Variants in VAV1 observed in about 807,000 individuals in gnomAD.
VAV1 encodes vav guanine nucleotide exchange factor 1.
In VAV1, 33 loss-of-function variants were observed where a neutral mutation model predicts 128.1. That is an observed-to-expected ratio of 0.26 (90% CI 0.20 to 0.34). VAV1 has a LOEUF of 0.34. Among genes scored for constraint, VAV1 ranks in the 10% least tolerant of loss-of-function variants. The probability of loss-of-function intolerance (pLI) is 1.00; values close to 1 mark genes in which losing one functional copy is unlikely to be tolerated. For missense variants in VAV1, 715 were observed against 1,093.7 expected, an observed-to-expected ratio of 0.65 and a Z score of 4.88; for synonymous variants, 394 against 409.8, an observed-to-expected ratio of 0.96 and a Z score of 0.47.
chr19:6,787,859 G>A (rs984250845), intron 1 of VAV1, among the ~76,000 whole-genome samples: 2 of 151,940 alleles, frequency 1.3e-5, no homozygotes, highest in African/African-American at 2.4e-5. Context: ...GGTGGATCAC[G>A]AGGTCAGGAG....
chr19:6,817,813 A>G (rs554679100), intron 1 of VAV1, among the ~76,000 whole-genome samples: 1 of 151,864 alleles, frequency 6.6e-6, no homozygotes, highest in African/African-American at 2.4e-5. Flanking sequence ...CAGCCTCCCG[A>G]GTAGCTGGGA....
At chr19:6,775,874 T>C (rs1970608651) in intron 1 of VAV1, among the ~76,000 whole-genome samples, 1 of 152,146 alleles carries the variant, frequency 6.6e-6, no homozygotes, top group African/African-American at 2.4e-5. Flanking sequence ...GGAAATGGCA[T>C]AAATAAAGGT....
Position 6,833,293 on chromosome 19 carries a change from T to A in VAV1, c.1610+8T>A. ...CTGTCAGATGCTGCTTAGGTGAGAA[T>A]CTGGGAGGAGGGTCCTGCATACCGG... On this transcript the variant is annotated splice_region_variant and intron_variant, in intron 16 of 26. Coordinates refer to ENST00000602142, the MANE Select transcript of VAV1 (RefSeq NM_005428.4). 13 of 1,606,208 alleles carry A rather than the reference T, an allele frequency of 8.1e-6. No individual in the cohort carries two copies. Among genetic ancestry groups the A allele is most frequent in the Non-Finnish European group, 1.1e-5 (13 of 1,177,352 alleles).
intron 1 of VAV1, among the ~76,000 whole-genome samples, chr19:6,779,394 A>T (rs1477993207): frequency 6.6e-6 from 1 of 151,038 alleles, no homozygotes; most frequent in Non-Finnish European, 1.5e-5. Flanking sequence ...AACAGGAAAG[A>T]TGACACATGC....
chr19:6,837,753 A>G (rs1229442395), intron 21 of VAV1, among the ~76,000 whole-genome samples: 1 of 152,050 alleles, frequency 6.6e-6, no homozygotes, highest in African/African-American at 2.4e-5. Context: ...ACCCACACAT[A>G]GTATTTATTT....
At chr19:6,784,071 T>C in intron 1 of VAV1, 2 of 408,210 alleles carry the variant, frequency 4.9e-6, no homozygotes, top group East Asian at 3.5e-5. Flanking sequence ...CTGGGCAACA[T>C]ACCAAGGTCC....
Position 6,848,051 on chromosome 19 carries a change from C to T in VAV1, c.2066C>T (p.Ser689Leu), listed in dbSNP as rs1972570238. The T allele has an allele frequency of 5.2e-6, 8 of 1,538,884 alleles. No individual in the cohort carries two copies. Among genetic ancestry groups the T allele is most frequent in the South Asian group, 2.5e-5 (2 of 80,586 alleles). Residue 689 changes from serine (S) to leucine (L), a missense_variant, in exon 23 of 27, where the codon TCG (serine) becomes TTG (leucine). Ser to Leu is a moderately radical substitution (Grantham distance 145). Coordinates refer to ENST00000602142, the MANE Select transcript of VAV1 (RefSeq NM_005428.4). ...GCAGAGAGCATCCTGGCCAACCGCT[C>T]GGACGGGACTTTCTTGGTGCGGCAG... ...AGAESILANR[S>L]DGTFLVRQRV... is the part of the protein sequence containing the mutation.
intron 16 of VAV1, 99 bp from the exon 17 acceptor site, chr19:6,833,429 C>G: frequency 7.1e-7 from 1 of 1,400,248 alleles, no homozygotes; most frequent in Non-Finnish European, 9.8e-7. Context: ...CTCTCCTGAT[C>G]TAAAGAGAAC....
chr19:6,777,839 C>A lies in VAV1; in HGVS notation c.204+4828C>A, dbSNP rs1970678648. The stretch of plus-strand genomic sequence containing the variant: ...TTTAAATGAGACAGAGCCTTGCTGT[C>A]TCCCAGGATGGAGTGCAGTGGCATG... On this transcript the variant is annotated intron_variant, in intron 1 of 26. Coordinates refer to ENST00000602142, the MANE Select transcript of VAV1 (RefSeq NM_005428.4). This position sits in a 1 kb window ranked among gnomAD's most constrained non-coding sequence, Gnocchi z 4.4. Among the ~76,000 whole-genome samples the A allele has an allele frequency of 6.6e-6, 1 of 152,126 alleles. No homozygotes were observed. Among genetic ancestry groups the A allele is most frequent in the African/African-American group, 2.4e-5 (1 of 41,420 alleles).
At chr19:6,838,092 T>C (rs1009230510) in intron 21 of VAV1, among the ~76,000 whole-genome samples, 3 of 134,416 alleles carry the variant, frequency 2.2e-5, no homozygotes, top group African/African-American at 8.3e-5. Context: ...TCTGTCTGTC[T>C]GTCTGTCTAT....
At chr19:6,843,283 G>A (rs1201343766) in intron 22 of VAV1, 117 bp downstream of exon 22, 4 of 1,198,268 alleles carry the variant, frequency 3.3e-6, no homozygotes, top group Admixed American at 1.8e-5. Flanking sequence ...CCTGAGCACC[G>A]ACTTCTGAAT....
intron 22 of VAV1, among the ~76,000 whole-genome samples, chr19:6,847,662 C>T (rs1044106033): frequency 1.3e-5 from 2 of 152,122 alleles, no homozygotes; most frequent in Non-Finnish European, 2.9e-5. Flanking sequence ...GTCCGGGTGA[C>T]CACAGAGATG....
At chr19:6,797,265 A>G (rs1260610742) in intron 1 of VAV1, among the ~76,000 whole-genome samples, 1 of 151,840 alleles carries the variant, frequency 6.6e-6, no homozygotes, top group Non-Finnish European at 1.5e-5. Flanking sequence ...ATAGTGAATG[A>G]AGGAGTGTCT....
intron 1 of VAV1, among the ~76,000 whole-genome samples, chr19:6,780,484 G>C (rs898405140): frequency 1.3e-5 from 2 of 150,342 alleles, no homozygotes; most frequent in African/African-American, 4.9e-5. Context: ...ATAACCTATT[G>C]CTCCTAGCTA....
chr19:6,783,311 G>C (rs1437234847), intron 1 of VAV1, among the ~76,000 whole-genome samples: 1 of 152,122 alleles, frequency 6.6e-6, no homozygotes, highest in East Asian at 1.9e-4. Flanking sequence ...CAGGGGTTGG[G>C]GGAGGAGGGC....
At chr19:6,797,564 G>T (rs936371974) in intron 1 of VAV1, among the ~76,000 whole-genome samples, 5 of 151,332 alleles carry the variant, frequency 3.3e-5, no homozygotes, top group African/African-American at 7.3e-5. Context: ...TTAGCTGGGC[G>T]TGGTGACGCA....
chr19:6,833,099 T>C, intron 15 of VAV1, 85 bp from the exon 16 acceptor site: 1 of 1,257,564 alleles, frequency 8.0e-7, no homozygotes, highest in Non-Finnish European at 1.1e-6. Flanking sequence ...ACGTGGTCTG[T>C]TCATACCATG....
Position 6,824,532 on chromosome 19 carries a change from A to AT in VAV1, c.655-511dup, listed in dbSNP as rs372708502. On this transcript the variant is annotated intron_variant, in intron 6 of 26. Coordinates refer to ENST00000602142, the MANE Select transcript of VAV1 (RefSeq NM_005428.4). ...ATATTCCATTGTATGGATGGACCAC[A>AT]TTTTTTTTTTCTTTTTTGAGATAGA... Among the ~76,000 whole-genome samples the AT allele has an allele frequency of 7.3e-4, 108 of 146,940 alleles. 1 individual carries two copies. The highest frequency in any genetic ancestry group is 7.0e-3 in the Middle Eastern group (2 of 284).
At chr19:6,797,605 A>C (rs901900255) in intron 1 of VAV1, among the ~76,000 whole-genome samples, 1 of 152,120 alleles carries the variant, frequency 6.6e-6, no homozygotes, top group Admixed American at 6.6e-5. Context: ...CAGGAGGCTG[A>C]GGCAGGAGAA....
Sources: allele counts gnomAD v4.1 joint callset (sites outside exome capture counted in the v4.1 genomes callset), GRCh38; gene constraint gnomAD v4.1.1; non-coding constraint Gnocchi (gnomAD v3.1); transcripts MANE v1.5; gene names NCBI Gene and HGNC (gene_info 2026-07-23, HGNC 2026-07-21).